The following COLEC12 variants were observed in gnomAD, a reference collection of about 807,000 sequenced individuals.
COLEC12 encodes the protein collectin subfamily member 12.
COLEC12 carries 33 observed loss-of-function variants against 71.1 expected under a neutral mutation model. That is an observed-to-expected ratio of 0.46 (90% CI 0.35 to 0.62). COLEC12 has a LOEUF of 0.62. COLEC12 is among the 20% of genes least tolerant of loss of function. COLEC12 has a pLI of 0.00. For synonymous variants in COLEC12, 350 were observed against 353.0 expected (o/e 0.99, Z 0.10); for missense variants, 765 against 916.1 (o/e 0.84, Z 2.13).
At chr18:413,186 A>C (rs137945228) in intron 2 of COLEC12, among the ~76,000 whole-genome samples, 1 of 152,360 alleles carries the variant, frequency 6.6e-6, no homozygotes, top group Non-Finnish European at 1.5e-5. Flanking sequence ...ATATGGGCAG[A>C]AGACATGAAG....
At chr18:418,913 G>A (rs1258398755) in intron 2 of COLEC12, among the ~76,000 whole-genome samples, 1 of 152,014 alleles carries the variant, frequency 6.6e-6, no homozygotes, top group African/African-American at 2.4e-5. Flanking sequence ...CTGAGGACTC[G>A]CCCTGATTTC....
intron 2 of COLEC12, among the ~76,000 whole-genome samples, chr18:432,492 T>A (rs892776130): frequency 2.0e-5 from 3 of 152,184 alleles, no homozygotes; most frequent in African/African-American, 7.2e-5. Flanking sequence ...AAGACTGCAA[T>A]CAGTTCTGCT....
rs575977862 is a variant in COLEC12 at position 413,043 on chromosome 18, G to A, written c.59-55521C>T. On this transcript the variant is annotated intron_variant, in intron 2 of 9. Transcript: ENST00000400256. ...TTAAAAACATATGACTCAATTATACGCTGTCTCCAAGAAACTCATTTCAAA... is the reference window on the plus strand; with the variant it reads ...TTAAAAACATATGACTCAATTATACACTGTCTCCAAGAAACTCATTTCAAA... 1.2e-4 allele frequency among the ~76,000 whole-genome samples: 19 copies of A among 152,258 alleles called. No homozygotes were observed. The South Asian group carries it at 2.7e-3, about 22-fold the overall frequency.
At chr18:379,513 A>G (rs1567890275) in intron 2 of COLEC12, among the ~76,000 whole-genome samples, 1 of 152,228 alleles carries the variant, frequency 6.6e-6, no homozygotes, top group East Asian at 1.9e-4. Context: ...TGAAGAAAAT[A>G]GAGGAGAATG....
intron 2 of COLEC12, among the ~76,000 whole-genome samples, chr18:365,409 A>G (rs537386991): frequency 1.3e-5 from 2 of 152,332 alleles, no homozygotes; most frequent in Admixed American, 1.3e-4. Context: ...TACCTTTATA[A>G]TTTCAAAGCA....
intron 5 of COLEC12, 38 bp from the exon 6 acceptor site, chr18:335,268 A>C: frequency 6.4e-7 from 1 of 1,556,580 alleles, no homozygotes; most frequent in Non-Finnish European, 8.6e-7. Context: ...CATGAAATCC[A>C]CTGTGAATGA....
intron 2 of COLEC12, among the ~76,000 whole-genome samples, chr18:364,497 A>G (rs1030277037): frequency 6.6e-6 from 1 of 152,136 alleles, no homozygotes; most frequent in Non-Finnish European, 1.5e-5. Context: ...ATTCCTATAC[A>G]TTTTATTCTA....
Position 454,605 on chromosome 18 carries a change from C to T in COLEC12, c.58+26102G>A, listed in dbSNP as rs181031858. Reference sequence around the variant, plus strand: ...GCTGAGGCAGGAGAATCACTTGAACCCAGGTGGTGGAGGTTGCAGTGAGCC... The same window carrying T: ...GCTGAGGCAGGAGAATCACTTGAACTCAGGTGGTGGAGGTTGCAGTGAGCC... On this transcript the variant is annotated intron_variant, in intron 2 of 9. Coordinates refer to ENST00000400256, the MANE Select transcript of COLEC12 (RefSeq NM_130386.3). Among the ~76,000 whole-genome samples the T allele has an allele frequency of 1.0e-3, 159 of 152,312 alleles. 1 individual carries two copies. The highest frequency in any genetic ancestry group is 3.7e-3 in the African/African-American group (154 of 41,558).
At chr18:357,879 G>T (rs995298384) in intron 2 of COLEC12, among the ~76,000 whole-genome samples, 1 of 152,224 alleles carries the variant, frequency 6.6e-6, no homozygotes, top group Non-Finnish European at 1.5e-5. Context: ...CCATGGACTG[G>T]TACCAGTCTG....
At position 319,325 on chromosome 18, in the gene COLEC12, A is replaced by ATATAT; in HGVS notation, c.*719_*720insATATA. On this transcript the variant is annotated 3_prime_UTR_variant, in exon 10 of 10. Transcript: ENST00000400256. Reference sequence around the variant, plus strand: ...TCCTCTGAGGAAATGAAACATTAAAAAAAAAAAAAAAAAAAAATATATATA... The same window carrying ATATAT: ...TCCTCTGAGGAAATGAAACATTAAAATATATAAAAAAAAAAAAAAAAATATATATA... The ATATAT allele has an allele frequency of 3.5e-4, 1 of 2,840 alleles. No individual in the cohort carries two copies. The highest frequency in any genetic ancestry group is 0.021 in the South Asian group (1 of 48). The allele number at this position is 2,840 out of a possible 1,614,324, so 0.2% of individuals were successfully genotyped here.
chr18:490,278 G>C (rs1297397968), intron 1 of COLEC12, among the ~76,000 whole-genome samples: 3 of 152,226 alleles, frequency 2.0e-5, no homozygotes, highest in African/African-American at 7.2e-5. Flanking sequence ...AATTCTCCAG[G>C]CTCCTGAGGG....
intron 1 of COLEC12, among the ~76,000 whole-genome samples, chr18:494,112 T>C (rs574515137): frequency 6.6e-6 from 1 of 152,326 alleles, no homozygotes; most frequent in South Asian, 2.1e-4. Context: ...CTTTGGGAAT[T>C]ATCCCTGCAT....
At chr18:375,434 C>T (rs1915092443) in intron 2 of COLEC12, among the ~76,000 whole-genome samples, 1 of 152,188 alleles carries the variant, frequency 6.6e-6, no homozygotes. Flanking sequence ...CCTGACCATT[C>T]TTTTGAAAAA....
intron 2 of COLEC12, among the ~76,000 whole-genome samples, chr18:392,098 G>GTC (rs1915474295): frequency 6.6e-6 from 1 of 152,204 alleles, no homozygotes; most frequent in Non-Finnish European, 1.5e-5. Context: ...GACTGTGCCT[G>GTC]TCTCTCCGTG....
In COLEC12 at chr18:317,501, T is replaced by C. The variant is rs1317905274; in HGVS notation, c.*2544A>G. 6.6e-6 allele frequency: 1 copy of C among 152,186 alleles called. No individual in the cohort carries two copies. Among genetic ancestry groups the C allele is most frequent in the Non-Finnish European group, 1.5e-5 (1 of 68,046 alleles). 9.4% of individuals were successfully genotyped at this position (152,186 alleles called of 1,614,324 possible). On this transcript the variant is annotated 3_prime_UTR_variant, in exon 10 of 10. Transcript: ENST00000400256. ...TGTAGTAAGACCTGCTTCCTAGGGC[T>C]GTTGGGAGGATCAGGTGAGACAATC...
At chr18:395,218 T>C (rs1915545008) in intron 2 of COLEC12, among the ~76,000 whole-genome samples, 1 of 152,232 alleles carries the variant, frequency 6.6e-6, no homozygotes, top group South Asian at 2.1e-4. Flanking sequence ...TGTATGTTGC[T>C]TGGCAACTGG....
At chr18:418,031 G>A (rs1916023821) in intron 2 of COLEC12, among the ~76,000 whole-genome samples, 1 of 152,126 alleles carries the variant, frequency 6.6e-6, no homozygotes, top group Admixed American at 6.5e-5. Flanking sequence ...GTGAGGGAGG[G>A]GTGAAGAACA....
chr18:446,558 T>TAA lies in COLEC12; in HGVS notation c.58+34148_58+34149insTT, dbSNP rs1413357337. Among the ~76,000 whole-genome samples, 112 of 37,226 alleles carry TAA rather than the reference T, an allele frequency of 3.0e-3. 1 individual carries two copies. In the South Asian group the frequency reaches 0.084, roughly 28 times the overall value. 24.4% of individuals were successfully genotyped at this position (37,226 alleles called of 152,430 possible). A position where few individuals can be genotyped will look rare whatever the true frequency, so the allele number is the denominator to read the frequency against. On this transcript the variant is annotated intron_variant, in intron 2 of 9. Transcript: ENST00000400256. ...CTCTGTAAAAAAAAAAAAAAAATTT[T>TAA]TTTTTTTTTTTGTTTAAGTAGCCAG...
chr18:491,710 A>T (rs746091804), intron 1 of COLEC12, among the ~76,000 whole-genome samples: 5 of 152,226 alleles, frequency 3.3e-5, no homozygotes, highest in Non-Finnish European at 7.3e-5. Flanking sequence ...CAAAAGAGTA[A>T]TGCGTGCTGC....
Sources: allele counts gnomAD v4.1 joint callset (sites outside exome capture counted in the v4.1 genomes callset), GRCh38; gene constraint gnomAD v4.1.1; transcripts MANE v1.5; gene names NCBI Gene and HGNC (gene_info 2026-07-23, HGNC 2026-07-21).